The following NCOR2 variants were observed in gnomAD, a reference collection of about 807,000 sequenced individuals.
NCOR2 encodes CTG repeat protein 26.
A neutral mutation model predicts 262.9 loss-of-function variants in NCOR2; 81 were observed. The observed-to-expected ratio is 0.31, with a 90% confidence interval of 0.26 to 0.37. NCOR2 has a LOEUF of 0.37. Among genes scored for constraint, NCOR2 ranks in the 10% least tolerant of loss-of-function variants. The pLI, the probability that NCOR2 is intolerant of heterozygous loss-of-function variation, is 1.00. For missense variants in NCOR2, 3,385 were observed against 3,621.4 expected (o/e 0.93, Z 1.68); for synonymous variants, 1,659 against 1,559.3 (o/e 1.06, Z -1.51).
chr12:124,408,784 C>A (rs1031217720), intron 13 of NCOR2, among the ~76,000 whole-genome samples: 1 of 152,076 alleles, frequency 6.6e-6, no homozygotes, highest in Admixed American at 6.5e-5. Context: ...AGAAAGAAAG[C>A]GAAGGTTACA....
intron 1 of NCOR2, among the ~76,000 whole-genome samples, chr12:124,501,190 C>A (rs115337150): frequency 6.6e-6 from 1 of 152,030 alleles, no homozygotes; most frequent in Admixed American, 6.5e-5. Flanking sequence ...GAACACAGGC[C>A]GTGCCTCCAC....
intron 1 of NCOR2, among the ~76,000 whole-genome samples, chr12:124,545,346 G>A (rs2137238380): frequency 6.6e-6 from 1 of 152,358 alleles, no homozygotes; most frequent in Admixed American, 6.5e-5. Context: ...GACAACAGAA[G>A]CACCCAGAGA....
intron 1 of NCOR2, among the ~76,000 whole-genome samples, chr12:124,488,603 A>G (rs1180847814): frequency 6.6e-6 from 1 of 152,196 alleles, no homozygotes; most frequent in Non-Finnish European, 1.5e-5. Flanking sequence ...TCTCAGTGGG[A>G]GGAGAAGGGA....
chr12:124,391,640 C>T (rs1163270167), intron 16 of NCOR2, among the ~76,000 whole-genome samples: 3 of 152,208 alleles, frequency 2.0e-5, no homozygotes, highest in Non-Finnish European at 4.4e-5. Context: ...TAACATCACA[C>T]CTGGACTTGC....
chr12:124,339,379 C>T (rs1397814759), intron 37 of NCOR2, among the ~76,000 whole-genome samples: 1 of 145,400 alleles, frequency 6.9e-6, no homozygotes, highest in Non-Finnish European at 1.5e-5. Flanking sequence ...TACCTACCTA[C>T]CTACCTACCT....
Position 124,402,574 on chromosome 12 carries a change from GGGGGAGGGCAGAGGGGAGT to G in NCOR2, c.1483-32_1483-14del. 1 of 1,552,354 alleles carries G rather than the reference GGGGGAGGGCAGAGGGGAGT, an allele frequency of 6.4e-7. No homozygotes were observed. The highest frequency in any genetic ancestry group is 8.7e-7 in the Non-Finnish European group (1 of 1,148,724). On this transcript the variant is annotated splice_polypyrimidine_tract_variant and intron_variant, in intron 13 of 46. Transcript: ENST00000405201. ...GTTGTTGCTGCTGCTGTCAGACCCC[GGGGGAGGGCAGAGGGGAGT>G]GGGGAGGGAAGAAAACCGTGAACAG...
Position 124,348,157 on chromosome 12 carries a change from C to A in NCOR2, c.3985+17G>T. 1 of 1,608,380 alleles carries A rather than the reference C, an allele frequency of 6.2e-7. No homozygotes were observed. The highest frequency in any genetic ancestry group is 8.5e-7 in the Non-Finnish European group (1 of 1,180,002). The stretch of plus-strand genomic sequence containing the variant: ...ACCAGGGGGCACCGAGAGATGAAGT[C>A]TCCTCCCTGCTATCACCTTCGATGC... On this transcript the variant is annotated intron_variant, in intron 29 of 46. Transcript: ENST00000405201.
chr12:124,559,324 G>A (rs926658231), intron 1 of NCOR2, among the ~76,000 whole-genome samples: 9 of 152,166 alleles, frequency 5.9e-5, no homozygotes, highest in South Asian at 2.1e-4. Context: ...CGAGGTCTCC[G>A]GGTACCACAG....
intron 1 of NCOR2, among the ~76,000 whole-genome samples, chr12:124,558,810 G>A (rs954807247): frequency 2.0e-5 from 3 of 152,126 alleles, no homozygotes; most frequent in African/African-American, 7.2e-5. Flanking sequence ...ACGGGCCCCT[G>A]AATGCCCTTC....
At chr12:124,336,609 G>A in intron 38 of NCOR2, 144 bp downstream of exon 40, 1 of 1,469,186 alleles carries the variant, frequency 6.8e-7, no homozygotes. Flanking sequence ...TGGACCACGA[G>A]ACGGGGTGGG....
At chr12:124,490,408 A>AGATGGATG (rs750414709) in intron 1 of NCOR2, among the ~76,000 whole-genome samples, 14,206 of 126,050 alleles carry the variant, frequency 0.11, 751 homozygotes, top group Admixed American at 0.16. Context: ...AGTATTTGCC[A>AGATGGATG]GATGGATGGA....
At position 124,440,229 on chromosome 12, in the gene NCOR2, A is replaced by G. The variant is rs2695991; in HGVS notation, c.816-2233T>C. On this transcript the variant is annotated intron_variant, in intron 7 of 46. Transcript: ENST00000405201. The surrounding 1 kb of genome is among the most constrained non-coding windows in gnomAD (Gnocchi z 5.7). ...AAACCCCCTCAAAAGTTCCAAAGCT[A>G]CTGACTGGGAGCCACGCTATGTCCA... Among the ~76,000 whole-genome samples the G allele has an allele frequency of 0.92, 139,595 of 152,262 alleles. 64,522 individuals carry two copies. The highest frequency in any genetic ancestry group is 0.99 in the East Asian group (5,122 of 5,182).
intron 20 of NCOR2, among the ~76,000 whole-genome samples, chr12:124,365,782 T>C (rs545334920): frequency 1.1e-4 from 17 of 149,098 alleles, no homozygotes; most frequent in African/African-American, 4.0e-4. Context: ...CTAAAGCCTC[T>C]CCTTTGGCCA....
rs12580372 is a variant in NCOR2 at position 124,452,057 on chromosome 12, G to A, written c.763-2190C>T. Among the ~76,000 whole-genome samples the A allele has an allele frequency of 4.6e-3, 694 of 152,318 alleles. 23 individuals carry two copies. The East Asian group carries it at 0.082, about 18-fold the overall frequency. On this transcript the variant is annotated intron_variant, in intron 6 of 46. Coordinates refer to ENST00000405201, the Ensembl canonical transcript of NCOR2. Reference sequence around the variant, plus strand: ...GCCATGGGCCATTTCTCCCCGTGCCGGGTCAGGCTCCCCTCCCAAGGTTCT... The same window carrying A: ...GCCATGGGCCATTTCTCCCCGTGCCAGGTCAGGCTCCCCTCCCAAGGTTCT...
chr12:124,567,244 A>T (rs1250276858), intron 1 of NCOR2, 64 bp downstream of exon 1: 3 of 151,500 alleles, frequency 2.0e-5, no homozygotes, highest in Admixed American at 1.3e-4. Flanking sequence ...TCCTCCCCGG[A>T]TCCCCCGGAA....
chr12:124,348,219 T>C (rs2037110222), exon 29 of NCOR2: 1 of 1,612,822 alleles, frequency 6.2e-7, no homozygotes, highest in East Asian at 2.2e-5. Context: ...CGGCCCTCCA[T>C]CATGTCATAG....
chr12:124,451,839 A>C, intron 6 of NCOR2, among the ~76,000 whole-genome samples: 1 of 150,244 alleles, frequency 6.7e-6, no homozygotes, highest in Admixed American at 6.6e-5. Flanking sequence ...GGCCACCCAG[A>C]CCCCCGCCCA....
At chr12:124,350,884 T>G in intron 27 of NCOR2, 147 bp from the exon 30 acceptor site, 1 of 863,500 alleles carries the variant, frequency 1.2e-6, no homozygotes, top group Non-Finnish European at 1.7e-6. Context: ...AGGTAAGAGT[T>G]TGCATGGAAC....
At chr12:124,422,274 A>G (rs943013581) in intron 12 of NCOR2, among the ~76,000 whole-genome samples, 1 of 152,176 alleles carries the variant, frequency 6.6e-6, no homozygotes, top group Non-Finnish European at 1.5e-5. Flanking sequence ...GGTGCTCAGC[A>G]ACCTGAGGCT....
Sources: gnomAD v4.1 joint callset for allele counts (sites outside exome capture counted in the v4.1 genomes callset) on GRCh38, gnomAD v4.1.1 for gene constraint, Gnocchi (gnomAD v3.1) non-coding constraint, MANE v1.5 for transcripts, NCBI Gene and HGNC (gene_info 2026-07-23, HGNC 2026-07-21) for gene names.